RAD54L2: variants seen among roughly 807,000 people sequenced by gnomAD.
RAD54L2 encodes the protein RAD54 like 2.
A neutral mutation model predicts 138.4 loss-of-function variants in RAD54L2; 27 were observed. The observed-to-expected ratio is 0.20, with a 90% CI of 0.14 to 0.27. The LOEUF (loss-of-function observed/expected upper bound fraction) is 0.27. RAD54L2 is among the 10% of genes least tolerant of loss of function. RAD54L2 has a pLI of 1.00. For missense variants in RAD54L2, 1,396 were observed against 1,890.2 expected, an observed-to-expected ratio of 0.74 and a Z score of 4.85; for synonymous variants, 644 against 723.2, an observed-to-expected ratio of 0.89 and a Z score of 1.76.
chr3:51,579,353 C>T (rs1384433243), intron 2 of RAD54L2, among the ~76,000 whole-genome samples: 4 of 152,122 alleles, frequency 2.6e-5, no homozygotes, highest in African/African-American at 9.7e-5. Flanking sequence ...TGTAAGTTCT[C>T]ACTTTGGGCC....
chr3:51,572,143 A>T (rs961032832), intron 2 of RAD54L2, among the ~76,000 whole-genome samples: 2 of 152,098 alleles, frequency 1.3e-5, no homozygotes, highest in Non-Finnish European at 2.9e-5. Context: ...TGTAACCGTG[A>T]TTGGTTAGAA....
intron 2 of RAD54L2, among the ~76,000 whole-genome samples, chr3:51,589,987 AT>A (rs1226609268): frequency 5.3e-5 from 8 of 151,704 alleles, no homozygotes. Flanking sequence ...CATGTTCAGC[AT>A]TTTTTTCTTT....
At chr3:51,627,840 T>G (rs1166398117) in intron 4 of RAD54L2, 86 bp downstream of exon 4, 17 of 1,448,880 alleles carry the variant, frequency 1.2e-5, no homozygotes, top group Non-Finnish European at 1.4e-5. Context: ...AAAGACTGAT[T>G]TGGGAAGGAC....
chr3:51,603,767 C>T (rs899461766), intron 3 of RAD54L2, among the ~76,000 whole-genome samples: 3 of 152,086 alleles, frequency 2.0e-5, no homozygotes, highest in Non-Finnish European at 2.9e-5. Context: ...TTAACTTGTA[C>T]TCCCACCTCA....
intron 19 of RAD54L2, among the ~76,000 whole-genome samples, chr3:51,653,913 C>T (rs1312091973): frequency 1.3e-5 from 2 of 152,152 alleles, no homozygotes; most frequent in African/African-American, 4.8e-5. Flanking sequence ...CATGTGTACC[C>T]TGGAACTTAA....
chr3:51,597,021 C>T (rs919518100), intron 3 of RAD54L2, among the ~76,000 whole-genome samples: 2 of 151,742 alleles, frequency 1.3e-5, no homozygotes, highest in South Asian at 2.1e-4. Context: ...AAAAATTAGC[C>T]GGGCGTGGTG....
In RAD54L2 at chr3:51,664,278, G is replaced by A. The variant is rs944164092; in HGVS notation, c.*858G>A. 3.9e-5 allele frequency: 6 copies of A among 152,174 alleles called. No homozygotes were observed. Among genetic ancestry groups the A allele is most frequent in the Non-Finnish European group, 8.8e-5 (6 of 68,036 alleles). The allele number at this position is 152,174 out of a possible 1,614,324, so 9.4% of individuals were successfully genotyped here. On this transcript the variant is annotated 3_prime_UTR_variant, in exon 23 of 23. Transcript: ENST00000684192. ...TTACCAATCTATGTCTCTTAACCCC[G>A]GTGGCTATCTCTGAGCAGCTCTCCC...
intron 19 of RAD54L2, among the ~76,000 whole-genome samples, chr3:51,653,732 G>T (rs1701515969): frequency 6.6e-6 from 1 of 152,160 alleles, no homozygotes; most frequent in African/African-American, 2.4e-5. Context: ...ATTGAACAAT[G>T]AGAACACGTG....
At chr3:51,644,568 A>G (rs1302245247) in intron 16 of RAD54L2, among the ~76,000 whole-genome samples, 1 of 152,252 alleles carries the variant, frequency 6.6e-6, no homozygotes, top group African/African-American at 2.4e-5. Context: ...TTTAAAAAGT[A>G]GAAAGTGCAA....
intron 2 of RAD54L2, among the ~76,000 whole-genome samples, chr3:51,574,507 G>A (rs1461611185): frequency 2.6e-5 from 4 of 152,148 alleles, no homozygotes; most frequent in African/African-American, 7.2e-5. Flanking sequence ...TCCAGCACCT[G>A]TTGTTTCCTG....
chr3:51,635,429 G>T (rs1700961192), intron 9 of RAD54L2, among the ~76,000 whole-genome samples, 164 bp from the exon 10 acceptor site: 1 of 152,138 alleles, frequency 6.6e-6, no homozygotes, highest in Admixed American at 6.6e-5. Flanking sequence ...TGGGTGGTAG[G>T]CTACCCCTGT....
intron 2 of RAD54L2, among the ~76,000 whole-genome samples, chr3:51,589,116 G>A (rs1699779344): frequency 6.6e-6 from 1 of 152,168 alleles, no homozygotes; most frequent in African/African-American, 2.4e-5. Flanking sequence ...GTACAATGGG[G>A]TTACATCCTG....
intron 2 of RAD54L2, among the ~76,000 whole-genome samples, chr3:51,572,162 A>G (rs916245539): frequency 6.6e-6 from 1 of 152,138 alleles, no homozygotes; most frequent in Non-Finnish European, 1.5e-5. Flanking sequence ...AAGTGGTGTA[A>G]ATCTGGCCAG....
chr3:51,645,072 G>A lies in RAD54L2; in HGVS notation c.2499G>A (p.Val833=), dbSNP rs1701243386. The change falls in exon 17 of 23, where the codon GTG becomes GTA. Residue 833 remains valine (V), a synonymous_variant. Coordinates refer to ENST00000684192, the MANE Select transcript of RAD54L2 (RefSeq NM_015106.4). The surrounding 1 kb of genome is among the most constrained non-coding windows in gnomAD (Gnocchi z 6.1). ...TGATTGGTGCCAACCGAGTGGTGGT[G>A]TTTGATGCTTCCTGGAACCCTTGCC... ...VNLIGANRVV[V]FDASWNPCHD... 6.2e-7 allele frequency: 1 copy of A among 1,613,942 alleles called. No homozygotes were observed. The highest frequency in any genetic ancestry group is 8.5e-7 in the Non-Finnish European group (1 of 1,179,896).
chr3:51,578,810 G>C (rs1199990624), intron 2 of RAD54L2, among the ~76,000 whole-genome samples: 1 of 152,152 alleles, frequency 6.6e-6, no homozygotes, highest in Non-Finnish European at 1.5e-5. Context: ...TCTGTGGATG[G>C]CTTAAGTGTT....
Position 51,666,174 on chromosome 3 carries a change from CTTTTTTTTTTTTTTTTTTTTT to C in RAD54L2, c.*2769_*2789del, listed in dbSNP as rs1169939947. 5.5e-4 allele frequency: 32 copies of C among 58,712 alleles called. 1 individual carries two copies. Among genetic ancestry groups the C allele is most frequent in the African/African-American group, 1.2e-3 (14 of 11,842 alleles). 3.6% of individuals were successfully genotyped at this position (58,712 alleles called of 1,614,324 possible). ...AGTGCTACCAGGTCCATGGTTTTTGCTTTTTTTTTTTTTTTTTTTTTTTTTTTTTTTTTTTAAAGAAAATAA... is the reference window on the plus strand; with the variant it reads ...AGTGCTACCAGGTCCATGGTTTTTGCTTTTTTTTTTTTTTAAAGAAAATAA... On this transcript the variant is annotated 3_prime_UTR_variant, in exon 23 of 23. Transcript: ENST00000684192.
intron 3 of RAD54L2, among the ~76,000 whole-genome samples, chr3:51,612,186 C>T (rs527892590): frequency 1.3e-4 from 20 of 152,096 alleles, no homozygotes; most frequent in African/African-American, 2.2e-4. Context: ...AGCTCAAGGC[C>T]GGGTACAGTG....
At chr3:51,614,489 A>G (rs1700401158) in intron 3 of RAD54L2, among the ~76,000 whole-genome samples, 1 of 151,826 alleles carries the variant, frequency 6.6e-6, no homozygotes, top group South Asian at 2.1e-4. Flanking sequence ...GAGCAGTCAG[A>G]ATGATCTTGG....
chr3:51,646,556 A>T, intron 19 of RAD54L2, 75 bp downstream of exon 19: 5 of 1,371,382 alleles, frequency 3.6e-6, no homozygotes, highest in Non-Finnish European at 3.9e-6. Context: ...ATTTTAAATA[A>T]AGGCAGAGCC....
Sources: allele counts gnomAD v4.1 joint callset (sites outside exome capture counted in the v4.1 genomes callset), GRCh38; gene constraint gnomAD v4.1.1; non-coding constraint Gnocchi (gnomAD v3.1); transcripts MANE v1.5; gene names NCBI Gene and HGNC (gene_info 2026-07-23, HGNC 2026-07-21).